Variants in POTEF observed in about 807,000 individuals in gnomAD.
POTEF encodes the protein POTE ankyrin domain family member F.
POTEF carries 20 observed loss-of-function variants against 83.2 expected under a neutral mutation model. The ratio of observed to expected loss-of-function variants is 0.24; its 90% CI spans 0.17 to 0.35. POTEF has a LOEUF of 0.35. Ranked by LOEUF, POTEF falls within the 10% of genes least tolerant of loss-of-function variation. The probability of loss-of-function intolerance (pLI) is 1.00; values close to 1 mark genes in which losing one functional copy is unlikely to be tolerated. For synonymous variants in POTEF, 196 were observed against 446.4 expected (o/e 0.44, Z 7.07); for missense variants, 550 against 1,203.2 (o/e 0.46, Z 8.03).
intron 3 of POTEF, among the ~76,000 whole-genome samples, chr2:130,116,576 T>A (rs1406081714): frequency 4.7e-5 from 6 of 127,092 alleles, no homozygotes; most frequent in African/African-American, 1.9e-4. Context: ...ACCATTTAGC[T>A]CCCACCTATA....
chr2:130,116,689 CTTCT>C (rs1684854594), intron 3 of POTEF, among the ~76,000 whole-genome samples: 1 of 107,282 alleles, frequency 9.3e-6, no homozygotes, highest in African/African-American at 4.1e-5. Flanking sequence ...GCTCTCGTTC[CTTCT>C]TTTATGGCTG....
rs1684975669 is a variant in POTEF, at chr2:130,120,614, T to C, written c.-93-6A>G. ...GGTAACTCCGGGTTTCCAATCTGTT[T>C]GAAGAGAAAAGTCAATCCCAGCCAA... On this transcript the variant is annotated splice_region_variant and splice_polypyrimidine_tract_variant and intron_variant, in intron 2 of 16. Transcript: ENST00000409914. 3.8e-6 allele frequency: 6 copies of C among 1,587,482 alleles called. No homozygotes were observed. The highest frequency in any genetic ancestry group is 5.1e-6 in the Non-Finnish European group (6 of 1,167,076).
chr2:130,119,314 C>A lies in POTEF; in HGVS notation c.521+681G>T, dbSNP rs922795559. The stretch of plus-strand genomic sequence containing the variant: ...GAGTAGCCGGGACTACAGGCGTCTA[C>A]CACCGCACCCGGCTAATTTTTTTTA... On this transcript the variant is annotated intron_variant, in intron 3 of 16. Coordinates refer to ENST00000409914, the MANE Select transcript of POTEF (RefSeq NM_001099771.2). 2.5e-4 allele frequency among the ~76,000 whole-genome samples: 38 copies of A among 151,942 alleles called. 2 individuals are homozygous for A. Among genetic ancestry groups the A allele is most frequent in the African/African-American group, 9.2e-4 (38 of 41,296 alleles).
At position 130,108,079 on chromosome 2, in the gene POTEF, T is replaced by A. The variant is rs1469808653; in HGVS notation, c.1056A>T (p.Val352=). The A allele has an allele frequency of 6.3e-7, 1 of 1,598,254 alleles. No homozygotes were observed. Among genetic ancestry groups the A allele is most frequent in the Non-Finnish European group, 8.5e-7 (1 of 1,176,156 alleles). The change falls in exon 8 of 17, where the codon GTA becomes GTT. Residue 352 remains valine, a splice_region_variant and synonymous_variant. Coordinates refer to ENST00000409914, the MANE Select transcript of POTEF (RefSeq NM_001099771.2). ...TGTAGTCAGAAAGTAACTGGCAAAT[T>A]CTATGTATAAAAATGTAATAAACCA... is the stretch of plus-strand genomic sequence containing the variant. The part of the protein sequence containing the change: ...REYAVSSHHH[V]ICQLLSDYKE...
chr2:130,102,627 A>G (rs2104802184), intron 8 of POTEF, among the ~76,000 whole-genome samples: 1 of 149,364 alleles, frequency 6.7e-6, no homozygotes. Flanking sequence ...GCCAGAGCCC[A>G]CAGGTATGGG....
intron 3 of POTEF, among the ~76,000 whole-genome samples, chr2:130,117,190 A>G (rs911885459): frequency 6.6e-5 from 10 of 151,900 alleles, no homozygotes; most frequent in African/African-American, 2.2e-4. Context: ...TTTACATGTT[A>G]ATCTATATCT....
At chr2:130,083,308 C>T (rs1285107890) in intron 15 of POTEF, among the ~76,000 whole-genome samples, 2 of 152,034 alleles carry the variant, frequency 1.3e-5, no homozygotes, top group Non-Finnish European at 2.9e-5. Context: ...GAACTCCAGC[C>T]TGGGGGACAA....
At position 130,075,400 on chromosome 2, in the gene POTEF, A is replaced by G. The variant is rs750134559; in HGVS notation, c.2072T>C (p.Leu691Ser). The G allele has an allele frequency of 6.2e-7, 1 of 1,611,578 alleles. No individual in the cohort carries two copies. Among genetic ancestry groups the G allele is most frequent in the East Asian group, 2.2e-5 (1 of 44,878 alleles). The stretch of plus-strand genomic sequence containing the variant: ...GAGCTCATTCAATTGTAGAGCCTTT[A>G]AAAGATTATCATTCCTTTTTTTCAC... ...ESVKKRNDNL[L>S]KALQLNELTM... Residue 691 changes from leucine (L) to serine (S), a missense_variant, in exon 17 of 17, where the codon TTA (leucine) becomes TCA (serine). By Grantham distance (145) the Leu-to-Ser change is moderately radical. Transcript: ENST00000409914.
At chr2:130,119,178 T>C (rs11894783) in intron 3 of POTEF, among the ~76,000 whole-genome samples, 1 of 151,596 alleles carries the variant, frequency 6.6e-6, no homozygotes, top group Non-Finnish European at 1.5e-5. Context: ...TTTTTTTTTT[T>C]TTTGAAACGG....
chr2:130,119,435 C>T (rs915374359), intron 3 of POTEF, among the ~76,000 whole-genome samples: 3 of 151,916 alleles, frequency 2.0e-5, no homozygotes, highest in Non-Finnish European at 4.4e-5. Flanking sequence ...GCTGGGATTA[C>T]AGGCGTGAGC....
intron 7 of POTEF, 106 bp downstream of exon 7, chr2:130,110,437 T>C: frequency 1.3e-6 from 2 of 1,581,786 alleles, no homozygotes; most frequent in Non-Finnish European, 1.7e-6. Flanking sequence ...ACGCGAAAAC[T>C]ACCTGAACCA....
chr2:130,117,989 G>A (rs912461276), intron 3 of POTEF, among the ~76,000 whole-genome samples: 6 of 149,532 alleles, frequency 4.0e-5, no homozygotes. Context: ...CACCCAGGCT[G>A]GAATGTAGTG....
chr2:130,128,188 T>TG (rs1685144237), intron 1 of POTEF, among the ~76,000 whole-genome samples: 1 of 148,370 alleles, frequency 6.7e-6, no homozygotes, highest in Non-Finnish European at 1.5e-5. Context: ...CACAGTGCCC[T>TG]GTTCCCACAG....
chr2:130,117,761 G>A (rs927045894), intron 3 of POTEF, among the ~76,000 whole-genome samples: 1 of 151,906 alleles, frequency 6.6e-6, no homozygotes, highest in Non-Finnish European at 1.5e-5. Context: ...ATTTGGTAAA[G>A]ATATTTCAGT....
chr2:130,121,351 G>A (rs1685000026), intron 2 of POTEF, among the ~76,000 whole-genome samples: 1 of 148,016 alleles, frequency 6.8e-6, no homozygotes, highest in Non-Finnish European at 1.5e-5. Flanking sequence ...TAAGCGTCTG[G>A]AACTTGAGGA....
rs968478399 is a variant in POTEF, at chr2:130,107,945, C to T, written c.1126+64G>A. 3.4e-5 allele frequency: 54 copies of T among 1,604,838 alleles called. 3 individuals are homozygous for T. The African/African-American group carries it at 3.6e-4, about 11-fold the overall frequency. On this transcript the variant is annotated intron_variant, in intron 8 of 16. Coordinates refer to ENST00000409914, the MANE Select transcript of POTEF (RefSeq NM_001099771.2). ...ATGGAAAAATTGTCTTCCACAAAACCGGTCCCTGGTGTCAAAAAGATTGGG... is the reference window on the plus strand; with the variant it reads ...ATGGAAAAATTGTCTTCCACAAAACTGGTCCCTGGTGTCAAAAAGATTGGG...
At chr2:130,127,487 A>G (rs1390404732) in intron 2 of POTEF, among the ~76,000 whole-genome samples, 1 of 150,178 alleles carries the variant, frequency 6.7e-6, no homozygotes, top group Non-Finnish European at 1.5e-5. Context: ...CCCTAAGTGC[A>G]CCTCCACCAC....
chr2:130,118,004 G>A (rs1684886661), intron 3 of POTEF, among the ~76,000 whole-genome samples: 3 of 150,264 alleles, frequency 2.0e-5, no homozygotes, highest in African/African-American at 7.4e-5. Flanking sequence ...GTAGTGGCGC[G>A]ATCTCGGCTC....
At chr2:130,112,858 G>C (rs1326838541) in intron 5 of POTEF, among the ~76,000 whole-genome samples, 1 of 151,614 alleles carries the variant, frequency 6.6e-6, no homozygotes, top group Non-Finnish European at 1.5e-5. Flanking sequence ...TTCTAATTGA[G>C]AAAACTCTGC....
Sources: allele counts gnomAD v4.1 joint callset (sites outside exome capture counted in the v4.1 genomes callset), GRCh38; gene constraint gnomAD v4.1.1; transcripts MANE v1.5; gene names NCBI Gene and HGNC (gene_info 2026-07-23, HGNC 2026-07-21).